CCDC57: variants seen among roughly 807,000 people sequenced by gnomAD.
CCDC57 encodes the protein coiled-coil domain containing 57, also known as coiled-coil domain-containing protein 57.
A neutral mutation model predicts 118.9 loss-of-function variants in CCDC57; 118 were observed. That is an observed-to-expected ratio of 0.99 (90% CI 0.86 to 1.16). The LOEUF (loss-of-function observed/expected upper bound fraction) is 1.16, where lower values mean the gene tolerates loss of function less well. Ranked by LOEUF, CCDC57 falls within the 50% of genes most tolerant of loss-of-function variation. The probability of loss-of-function intolerance (pLI) is 0.00; values close to 1 mark genes in which losing one functional copy is unlikely to be tolerated. For missense variants in CCDC57, 1,300 were observed against 1,320.7 expected, an observed-to-expected ratio of 0.98 and a Z score of 0.24; for synonymous variants, 527 against 532.9, an observed-to-expected ratio of 0.99 and a Z score of 0.15.
At chr17:82,119,511 G>A (rs942129628) in intron 19 of CCDC57, among the ~76,000 whole-genome samples, 7 of 151,970 alleles carry the variant, frequency 4.6e-5, no homozygotes, top group African/African-American at 1.7e-4. Flanking sequence ...GAAGCAGACC[G>A]ATAGAATCAA....
intron 19 of CCDC57, among the ~76,000 whole-genome samples, chr17:82,109,899 A>G (rs2035127476): frequency 6.6e-6 from 1 of 151,996 alleles, no homozygotes; most frequent in African/African-American, 2.4e-5. Context: ...CAACAATAAA[A>G]GATCCAGTTA....
At chr17:82,121,344 C>T (rs750891981) in intron 19 of CCDC57, among the ~76,000 whole-genome samples, 1 of 152,244 alleles carries the variant, frequency 6.6e-6, no homozygotes, top group Non-Finnish European at 1.5e-5. Flanking sequence ...GCTTCCCCAG[C>T]TTTCCTGCCA....
intron 16 of CCDC57, among the ~76,000 whole-genome samples, chr17:82,148,304 G>C (rs1274061729): frequency 7.3e-6 from 1 of 137,850 alleles, no homozygotes; most frequent in Non-Finnish European, 1.6e-5. Context: ...TGGATGGGTG[G>C]GTGAATGGAT....
intron 11 of CCDC57, among the ~76,000 whole-genome samples, 189 bp from the exon 11 acceptor site, chr17:82,173,049 A>G (rs948099678): frequency 2.0e-5 from 3 of 152,054 alleles, no homozygotes; most frequent in African/African-American, 7.3e-5. Flanking sequence ...ATGACACTCA[A>G]ATTCCTGGAG....
intron 16 of CCDC57, among the ~76,000 whole-genome samples, chr17:82,151,356 C>T (rs1363817678): frequency 6.8e-6 from 1 of 147,190 alleles, no homozygotes; most frequent in African/African-American, 2.5e-5. Context: ...CACCCAGAAC[C>T]TGGCACACAC....
intron 13 of CCDC57, among the ~76,000 whole-genome samples, chr17:82,168,712 T>C (rs556144387): frequency 6.6e-6 from 1 of 150,954 alleles, no homozygotes; most frequent in African/African-American, 2.4e-5. Flanking sequence ...TTAATTAATA[T>C]CAGACAAGGT....
At chr17:82,198,281 G>A in intron 4 of CCDC57, 33 bp downstream of exon 3, 1 of 1,341,316 alleles carries the variant, frequency 7.5e-7, no homozygotes, top group Non-Finnish European at 1.1e-6. Flanking sequence ...GGCAGGGAAA[G>A]CACCCAGGAA....
chr17:82,174,672 T>C (rs1306005313), intron 11 of CCDC57, among the ~76,000 whole-genome samples: 1 of 152,360 alleles, frequency 6.6e-6, no homozygotes, highest in East Asian at 1.9e-4. Flanking sequence ...CTTGAGTTCG[T>C]GTCCGGCATA....
At chr17:82,127,763 T>C (rs750790520) in exon 19 of CCDC57, 4 of 1,612,974 alleles carry the variant, frequency 2.5e-6, no homozygotes, top group Admixed American at 3.3e-5. Context: ...CCACATGTCC[T>C]GGAGGGTGCC....
At chr17:82,144,135 A>G (rs900384047) in intron 16 of CCDC57, among the ~76,000 whole-genome samples, 1 of 152,098 alleles carries the variant, frequency 6.6e-6, no homozygotes, top group Non-Finnish European at 1.5e-5. Flanking sequence ...CTCTGAAGAC[A>G]TAAGAATATT....
chr17:82,163,358 C>A lies in CCDC57; in HGVS notation c.1883-1G>T, dbSNP rs1399276198. On this transcript the variant is annotated splice_acceptor_variant, in intron 13 of 19. Coordinates refer to ENST00000665763, the Ensembl canonical transcript of CCDC57. LOFTEE classifies it high-confidence loss of function. Reference sequence around the variant, plus strand: ...GCTTGACCAGCTTGGGCAGACCCTCCTGCAGAGAAGAGTGGCTTCTGTCAG... The same window carrying A: ...GCTTGACCAGCTTGGGCAGACCCTCATGCAGAGAAGAGTGGCTTCTGTCAG... 6.2e-7 allele frequency: 1 copy of A among 1,613,882 alleles called. No individual in the cohort carries two copies. The highest frequency in any genetic ancestry group is 1.1e-5 in the South Asian group (1 of 91,078).
intron 7 of CCDC57, 150 bp downstream of exon 6, chr17:82,193,606 A>G (rs954315809): frequency 4.7e-6 from 3 of 639,966 alleles, no homozygotes; most frequent in Non-Finnish European, 2.7e-6. Flanking sequence ...GAAGAAAAAG[A>G]AGGAGAAAGA....
intron 19 of CCDC57, among the ~76,000 whole-genome samples, chr17:82,115,375 G>A (rs749069627): frequency 6.6e-5 from 10 of 152,092 alleles, no homozygotes; most frequent in Non-Finnish European, 8.8e-5. Context: ...GCTACAAGGT[G>A]TCTTCAACAC....
At chr17:82,189,039 G>A (rs773726518) in intron 7 of CCDC57, among the ~76,000 whole-genome samples, 6 of 152,334 alleles carry the variant, frequency 3.9e-5, no homozygotes, top group Non-Finnish European at 8.8e-5. Context: ...GGCCGAGGCA[G>A]GTGGATAGCT....
At chr17:82,188,823 C>A (rs2047304343) in intron 7 of CCDC57, among the ~76,000 whole-genome samples, 1 of 152,236 alleles carries the variant, frequency 6.6e-6, no homozygotes, top group Non-Finnish European at 1.5e-5. Flanking sequence ...CACACCGCAC[C>A]CCACCTATTG....
At chr17:82,135,179 C>T (rs926736615) in intron 16 of CCDC57, 28 of 152,208 alleles carry the variant, frequency 1.8e-4, no homozygotes, top group African/African-American at 6.7e-4. Context: ...TCGACACCCC[C>T]AGAACATCCA....
Position 82,188,545 on chromosome 17 carries a change from C to T in CCDC57, c.852-126G>A, listed in dbSNP as rs918277897. 1.1e-5 allele frequency: 11 copies of T among 980,994 alleles called. No individual in the cohort carries two copies. In the African/African-American group the frequency reaches 1.5e-4, roughly 13 times the overall value. The allele number at this position is 980,994 out of a possible 1,614,324, so 60.8% of individuals were successfully genotyped here. The stretch of plus-strand genomic sequence containing the variant: ...CTGCTGTATGTCTGCCTCAAGGCTT[C>T]GCAGCAGCCACCTGGCCACCTGTTC... On this transcript the variant is annotated intron_variant, in intron 7 of 19. Transcript: ENST00000665763.
rs1311594955 is a variant in CCDC57 at position 82,116,086 on chromosome 17, C to T, written c.2899+11606G>A. Among the ~76,000 whole-genome samples the T allele has an allele frequency of 6.1e-5, 9 of 148,394 alleles. No individual in the cohort carries two copies. In the East Asian group the frequency reaches 9.9e-4, roughly 16 times the overall value. Reference sequence around the variant, plus strand: ...TGCTGGGATTACAGGCGTGAGCCACCGCGCCCGGCCACAACCTTTTTTTTT... The same window carrying T: ...TGCTGGGATTACAGGCGTGAGCCACTGCGCCCGGCCACAACCTTTTTTTTT... On this transcript the variant is annotated intron_variant, in intron 19 of 19. Transcript: ENST00000665763.
chr17:82,115,621 A>T (rs1442436682), intron 19 of CCDC57, among the ~76,000 whole-genome samples: 1 of 151,680 alleles, frequency 6.6e-6, no homozygotes, highest in Non-Finnish European at 1.5e-5. Flanking sequence ...AAAAGTTTTT[A>T]AAAATTAGCT....
Sources: gnomAD v4.1 joint callset for allele counts (sites outside exome capture counted in the v4.1 genomes callset) on GRCh38, gnomAD v4.1.1 for gene constraint, MANE v1.5 for transcripts, NCBI Gene and HGNC (gene_info 2026-07-23, HGNC 2026-07-21) for gene names.